Variants in KAT6A observed in about 807,000 individuals in gnomAD.
KAT6A encodes lysine acetyltransferase 6A, also known as histone acetyltransferase KAT6A.
In KAT6A, 9 loss-of-function variants were observed where a neutral mutation model predicts 198.4. The observed-to-expected ratio is 0.05, with a 90% CI of 0.03 to 0.08. The LOEUF is 0.08. Ranked by LOEUF, KAT6A falls within the 10% of genes least tolerant of loss-of-function variation. The pLI is 1.00. For synonymous variants in KAT6A, 890 were observed against 883.0 expected (o/e 1.01, Z -0.14); for missense variants, 2,077 against 2,509.9 (o/e 0.83, Z 3.69).
intron 2 of KAT6A, among the ~76,000 whole-genome samples, chr8:42,005,805 C>T (rs949975447): frequency 5.9e-5 from 9 of 151,926 alleles, no homozygotes; most frequent in Admixed American, 3.9e-4. Context: ...CACACTCACT[C>T]TCTTTCTCCC....
At chr8:41,975,121 A>G (rs751533523) in intron 7 of KAT6A, among the ~76,000 whole-genome samples, 1 of 152,226 alleles carries the variant, frequency 6.6e-6, no homozygotes, top group Non-Finnish European at 1.5e-5. Flanking sequence ...TATAAGGAAT[A>G]TAAATTTCAT....
chr8:42,034,004 GT>G (rs899768179), intron 2 of KAT6A, among the ~76,000 whole-genome samples: 8 of 152,126 alleles, frequency 5.3e-5, no homozygotes, highest in African/African-American at 1.9e-4. Flanking sequence ...ATTAAGACAG[GT>G]CTTGAAGTCA....
chr8:41,944,024 C>G (rs759513764), intron 12 of KAT6A, 45 bp from the exon 13 acceptor site: 5 of 1,338,232 alleles, frequency 3.7e-6, no homozygotes, highest in Non-Finnish European at 5.3e-6. Context: ...GTCAGCAACT[C>G]TGAAAAACTG....
intron 2 of KAT6A, among the ~76,000 whole-genome samples, chr8:42,036,175 A>T (rs899752759): frequency 6.6e-6 from 1 of 152,084 alleles, no homozygotes; most frequent in Non-Finnish European, 1.5e-5. Flanking sequence ...TGAGAAAAAA[A>T]GGTGGGAAGA....
In KAT6A at chr8:41,940,837, G is replaced by C. The variant is rs200182664; in HGVS notation, c.3039+5C>G. The C allele has an allele frequency of 1.6e-5, 26 of 1,602,024 alleles. No homozygotes were observed. The highest frequency in any genetic ancestry group is 5.1e-5 in the Admixed American group (3 of 59,186). On this transcript the variant is annotated splice_donor_5th_base_variant and intron_variant, in intron 15 of 16. Transcript: ENST00000265713. ...GAAGAGAAGACCTGGAAAGAAATGC[G>C]TTACCTTTCGCTTCAGCGTGGGCTT...
chr8:41,984,120 T>C (rs1464196531), intron 3 of KAT6A, among the ~76,000 whole-genome samples: 1 of 152,208 alleles, frequency 6.6e-6, no homozygotes, highest in Non-Finnish European at 1.5e-5. Context: ...GCCCATGCTG[T>C]TCTTCTTTGG....
chr8:41,947,971 A>C, intron 10 of KAT6A, 59 bp from the exon 11 acceptor site: 1 of 1,346,610 alleles, frequency 7.4e-7, no homozygotes, highest in South Asian at 1.4e-5. Flanking sequence ...CTAGAATAAT[A>C]TGTATCAGTT....
intron 2 of KAT6A, among the ~76,000 whole-genome samples, chr8:42,016,773 T>C (rs1433309850): frequency 1.3e-5 from 2 of 152,130 alleles, no homozygotes; most frequent in Non-Finnish European, 2.9e-5. Context: ...ACTTTGTTCT[T>C]AATTAGAAAA....
intron 16 of KAT6A, 126 bp from the exon 17 acceptor site, chr8:41,934,993 GTCT>G (rs1404546025): frequency 1.0e-5 from 8 of 784,768 alleles, no homozygotes; most frequent in Non-Finnish European, 1.6e-5. Flanking sequence ...ACTCCTGATT[GTCT>G]TCATTTTAAA....
At position 41,933,129 on chromosome 8, in the gene KAT6A, C is replaced by A. The variant is rs778924385; in HGVS notation, c.5091G>T (p.Gln1697His). Reference protein sequence around the residue: ...PQQPPPPPPPQQQPPLSQCSM... With the variant: ...PQQPPPPPPPHQQPPLSQCSM... ...TACACTGTGACAGCGGGGGCTGCTG[C>A]TGGGGAGGGGGTGGGGGTGGAGGCT... Residue 1697 changes from glutamine to histidine, a missense_variant, in exon 17 of 17, where the codon CAG becomes CAT. Physicochemically the swap from Gln to His is conservative, Grantham distance 24 (BLOSUM62 0). This residue lies in a region of KAT6A where 500 missense variants were observed against 577.2 expected (regional missense o/e 0.87). Transcript: ENST00000265713. This position sits in a 1 kb window ranked among gnomAD's most constrained non-coding sequence, Gnocchi z 6.2. 5 of 348,808 alleles carry A rather than the reference C, an allele frequency of 1.4e-5. No homozygotes were observed. In the East Asian group the frequency reaches 4.4e-4, roughly 31 times the overall value. The allele number at this position is 348,808 out of a possible 1,614,324, so 21.6% of individuals were successfully genotyped here.
chr8:42,037,726 C>T (rs1827450629), intron 2 of KAT6A, among the ~76,000 whole-genome samples: 3 of 146,820 alleles, frequency 2.0e-5, no homozygotes, highest in Non-Finnish European at 4.5e-5. Flanking sequence ...ATTTTATTTC[C>T]ACACCAGTTA....
In KAT6A at chr8:41,943,139, A is replaced by T; in HGVS notation, c.2229-139T>A. On this transcript the variant is annotated intron_variant, in intron 13 of 16. Coordinates refer to ENST00000265713, the MANE Select transcript of KAT6A (RefSeq NM_006766.5). Reference sequence around the variant, plus strand: ...GCCTGCCTGGGACGATGGAATGCAGAAATGTGCCACCACATGAGACGGCCA... The same window carrying T: ...GCCTGCCTGGGACGATGGAATGCAGTAATGTGCCACCACATGAGACGGCCA... 4 of 1,116,378 alleles carry T rather than the reference A, an allele frequency of 3.6e-6. No homozygotes were observed. The South Asian group carries it at 6.2e-5, about 17-fold the overall frequency. The allele number at this position is 1,116,378 out of a possible 1,614,324, so 69.2% of individuals were successfully genotyped here.
At chr8:42,012,559 G>A (rs1826074159) in intron 2 of KAT6A, among the ~76,000 whole-genome samples, 1 of 152,162 alleles carries the variant, frequency 6.6e-6, no homozygotes, top group East Asian at 1.9e-4. Context: ...AATGCCAAGA[G>A]CCACCAGAAG....
At chr8:42,036,027 C>T (rs532217099) in intron 2 of KAT6A, among the ~76,000 whole-genome samples, 3 of 152,122 alleles carry the variant, frequency 2.0e-5, no homozygotes, top group South Asian at 4.2e-4. Context: ...TTTCACTGTC[C>T]TATGACAAGG....
intron 1 of KAT6A, among the ~76,000 whole-genome samples, chr8:42,050,954 C>A (rs1388526117): frequency 6.6e-6 from 1 of 152,158 alleles, no homozygotes; most frequent in Non-Finnish European, 1.5e-5. Context: ...TTCCCGTCCC[C>A]ATTCCCCACC....
Position 42,024,584 on chromosome 8 carries a change from C to A in KAT6A, c.600+23794G>T, listed in dbSNP as rs560075704. 2.6e-5 allele frequency among the ~76,000 whole-genome samples: 4 copies of A among 152,084 alleles called. No individual in the cohort carries two copies. In the South Asian group the frequency reaches 8.3e-4, roughly 32 times the overall value. On this transcript the variant is annotated intron_variant, in intron 2 of 16. Coordinates refer to ENST00000265713, the MANE Select transcript of KAT6A (RefSeq NM_006766.5). ...TACCCATTAACCTCTCTTCATCCAC[C>A]CCACCCCTCGCCCATCTCAGACTTT... is the stretch of plus-strand genomic sequence containing the variant.
chr8:41,974,223 G>A (rs1823939296), intron 8 of KAT6A: 1 of 152,110 alleles, frequency 6.6e-6, no homozygotes, highest in Non-Finnish European at 1.5e-5. Flanking sequence ...GACTACAGGT[G>A]TGCACCAACA....
chr8:41,994,599 C>A (rs1825102866), intron 2 of KAT6A, among the ~76,000 whole-genome samples: 1 of 152,060 alleles, frequency 6.6e-6, no homozygotes, highest in African/African-American at 2.4e-5. Context: ...AACCCACCAA[C>A]CCCAATAATT....
chr8:42,051,469 C>T (rs1298453269), intron 1 of KAT6A, among the ~76,000 whole-genome samples: 9 of 147,988 alleles, frequency 6.1e-5, no homozygotes, highest in African/African-American at 2.2e-4. Context: ...CCCGGCACAG[C>T]CGGCACGCGC....
Sources: gnomAD v4.1 joint callset for allele counts (sites outside exome capture counted in the v4.1 genomes callset) on GRCh38, gnomAD v4.1.1 for gene constraint, gnomAD v4.1.1 regional missense constraint, Gnocchi (gnomAD v3.1) non-coding constraint, MANE v1.5 for transcripts, NCBI Gene and HGNC (gene_info 2026-07-23, HGNC 2026-07-21) for gene names.